GPC6: variants seen among roughly 807,000 people sequenced by gnomAD.
The protein encoded by GPC6 is glypican 6.
Under a neutral mutation model 55.2 loss-of-function variants are expected in GPC6, and 14 were observed. The observed-to-expected ratio is 0.25, with a 90% CI of 0.17 to 0.40. The LOEUF is 0.40. Ranked by LOEUF, GPC6 falls within the 10% of genes least tolerant of loss-of-function variation. GPC6 has a pLI of 1.00. For missense variants in GPC6, 641 were observed against 708.5 expected, an observed-to-expected ratio of 0.90 and a Z score of 1.08; for synonymous variants, 278 against 259.6, an observed-to-expected ratio of 1.07 and a Z score of -0.68.
intron 2 of GPC6, among the ~76,000 whole-genome samples, chr13:93,800,787 G>C (rs1329864708): frequency 1.3e-5 from 2 of 152,154 alleles, no homozygotes; most frequent in Non-Finnish European, 2.9e-5. Flanking sequence ...TATCCTATCA[G>C]TGTGAACATC....
intron 6 of GPC6, among the ~76,000 whole-genome samples, chr13:94,350,026 G>C (rs971728804): frequency 5.3e-5 from 8 of 151,352 alleles, no homozygotes; most frequent in Admixed American, 2.0e-4. Flanking sequence ...TCCTACTCTC[G>C]GAAGATGTGC....
Position 93,816,624 on chromosome 13 carries a change from GT to G in GPC6, c.320-13521del, listed in dbSNP as rs202241607. On this transcript the variant is annotated intron_variant, in intron 2 of 8. Transcript: ENST00000377047. ...GGTCTTTTAAGTTAAAATAATATTT[GT>G]TTTTTTTTCAACTATGAAAATAATT... Among the ~76,000 whole-genome samples the G allele has an allele frequency of 4.1e-3, 554 of 133,872 alleles. 3 individuals carry two copies. Among genetic ancestry groups the G allele is most frequent in the African/African-American group, 0.014 (521 of 36,752 alleles). The allele number at this position is 133,872 out of a possible 152,430, so 87.8% of individuals were successfully genotyped here.
At chr13:93,596,302 T>G (rs978140896) in intron 2 of GPC6, among the ~76,000 whole-genome samples, 3 of 151,880 alleles carry the variant, frequency 2.0e-5, no homozygotes, top group African/African-American at 7.3e-5. Flanking sequence ...GCACATAATA[T>G]AGGATACAGA....
chr13:93,789,308 G>A (rs527379028), intron 2 of GPC6, among the ~76,000 whole-genome samples: 96 of 151,796 alleles, frequency 6.3e-4, no homozygotes, highest in African/African-American at 2.1e-3. Context: ...TCAATAATCC[G>A]TGAGGATTTC....
intron 1 of GPC6, among the ~76,000 whole-genome samples, chr13:93,285,345 A>C (rs1257101166): frequency 6.6e-6 from 1 of 152,214 alleles, no homozygotes; most frequent in Non-Finnish European, 1.5e-5. Context: ...ATATGCAGAC[A>C]GATACTCTTT....
intron 1 of GPC6, among the ~76,000 whole-genome samples, chr13:93,489,965 C>A (rs1879897389): frequency 6.6e-6 from 1 of 151,122 alleles, no homozygotes; most frequent in African/African-American, 2.4e-5. Flanking sequence ...TTATTTTTTT[C>A]TCCTGCCTGA....
At chr13:93,810,204 G>A (rs1886655572) in intron 2 of GPC6, among the ~76,000 whole-genome samples, 1 of 152,132 alleles carries the variant, frequency 6.6e-6, no homozygotes, top group Non-Finnish European at 1.5e-5. Flanking sequence ...AAAGAACTTT[G>A]TTGTAGAAAC....
intron 1 of GPC6, among the ~76,000 whole-genome samples, chr13:93,366,629 G>A (rs926427124): frequency 1.3e-5 from 2 of 151,956 alleles, no homozygotes; most frequent in Admixed American, 1.3e-4. Flanking sequence ...GATAAGTCTT[G>A]CAATACTTTT....
chr13:94,049,313 A>C (rs1016851722), intron 4 of GPC6, among the ~76,000 whole-genome samples: 2 of 149,624 alleles, frequency 1.3e-5, no homozygotes, highest in Admixed American at 1.3e-4. Flanking sequence ...CCAACCCCCC[A>C]CTGATCCTAG....
intron 3 of GPC6, among the ~76,000 whole-genome samples, chr13:93,955,243 GCACACACACACACACACACA>G (rs10524254): frequency 2.9e-5 from 4 of 136,178 alleles, no homozygotes; most frequent in South Asian, 2.6e-4. Flanking sequence ...GAATGAACAT[GCACACACACACACACACACA>G]CACACACACA....
chr13:94,181,506 A>G (rs2138947389), intron 4 of GPC6, among the ~76,000 whole-genome samples: 1 of 152,352 alleles, frequency 6.6e-6, no homozygotes, highest in South Asian at 2.1e-4. Flanking sequence ...ATTTAGAGCT[A>G]ACAAGGATTT....
intron 4 of GPC6, among the ~76,000 whole-genome samples, chr13:94,080,438 C>T (rs1885060604): frequency 6.6e-6 from 1 of 152,064 alleles, no homozygotes; most frequent in Admixed American, 6.6e-5. Flanking sequence ...CATTTAAAGA[C>T]ATTAGGATTA....
chr13:93,251,539 A>G (rs2139028918), intron 1 of GPC6, among the ~76,000 whole-genome samples: 1 of 152,344 alleles, frequency 6.6e-6, no homozygotes, highest in South Asian at 2.1e-4. Flanking sequence ...AATCTTTGGG[A>G]TTCCTTGCAG....
chr13:94,265,264 T>C (rs1056185816), intron 4 of GPC6, among the ~76,000 whole-genome samples: 13 of 152,188 alleles, frequency 8.5e-5, no homozygotes, highest in African/African-American at 3.1e-4. Context: ...TAAACTCACA[T>C]GATTACAAGT....
At chr13:93,648,069 T>TA (rs1880252992) in intron 2 of GPC6, among the ~76,000 whole-genome samples, 1 of 152,098 alleles carries the variant, frequency 6.6e-6, no homozygotes, top group Non-Finnish European at 1.5e-5. Flanking sequence ...AGGAGAAAGA[T>TA]ACATGAACTG....
rs150237982 is a variant in GPC6 at position 93,529,272 on chromosome 13, C to T, written c.161-15991C>T. 5.3e-5 allele frequency among the ~76,000 whole-genome samples: 8 copies of T among 152,168 alleles called. No individual in the cohort carries two copies. In the East Asian group the frequency reaches 1.6e-3, roughly 30 times the overall value. On this transcript the variant is annotated intron_variant, in intron 1 of 8. Transcript: ENST00000377047. ...AGTGAAACAGGTGAAACCTCCACTTCGATGTTCTTCCCTGGTATTGAACCT... is the reference window on the plus strand; with the variant it reads ...AGTGAAACAGGTGAAACCTCCACTTTGATGTTCTTCCCTGGTATTGAACCT...
intron 2 of GPC6, among the ~76,000 whole-genome samples, chr13:93,641,054 G>A (rs779081616): frequency 2.6e-5 from 4 of 151,808 alleles, no homozygotes; most frequent in Non-Finnish European, 5.9e-5. Flanking sequence ...AACTTTATGA[G>A]GTAACTGCTG....
chr13:93,316,237 C>T (rs1477447775), intron 1 of GPC6, among the ~76,000 whole-genome samples: 1 of 151,936 alleles, frequency 6.6e-6, no homozygotes, highest in Non-Finnish European at 1.5e-5. Context: ...TTTATTCATG[C>T]CCTAGACTAT....
chr13:94,049,723 A>G (rs1031502980), intron 4 of GPC6, among the ~76,000 whole-genome samples: 1 of 152,068 alleles, frequency 6.6e-6, no homozygotes, highest in African/African-American at 2.4e-5. Flanking sequence ...CCCCACCACC[A>G]TTTATTAAGG....
Sources: allele counts gnomAD v4.1 joint callset (sites outside exome capture counted in the v4.1 genomes callset), GRCh38; gene constraint gnomAD v4.1.1; transcripts MANE v1.5; gene names NCBI Gene and HGNC (gene_info 2026-07-23, HGNC 2026-07-21).